The following HIVEP3 variants were observed in gnomAD, a reference collection of about 807,000 sequenced individuals.
HIVEP3 encodes transcription factor HIVEP3.
Under a neutral mutation model 152.8 loss-of-function variants are expected in HIVEP3, and 49 were observed. The observed-to-expected ratio is 0.32, with a 90% CI of 0.26 to 0.41. HIVEP3 has a LOEUF of 0.41. HIVEP3 is among the 10% of genes least tolerant of loss of function. HIVEP3 has a pLI of 1.00. For synonymous variants in HIVEP3, 1,269 were observed against 1,289.0 expected, an observed-to-expected ratio of 0.98 and a Z score of 0.33; for missense variants, 2,790 against 3,103.3, an observed-to-expected ratio of 0.90 and a Z score of 2.40.
At chr1:41,857,422 G>A (rs1298161167) in intron 1 of HIVEP3, among the ~76,000 whole-genome samples, 1 of 152,068 alleles carries the variant, frequency 6.6e-6, no homozygotes, top group Non-Finnish European at 1.5e-5. Context: ...CCCCAGGAAG[G>A]GTGGCTGTGG....
intron 1 of HIVEP3, among the ~76,000 whole-genome samples, chr1:41,845,824 T>C (rs1357142443): frequency 2.0e-5 from 3 of 152,172 alleles, no homozygotes. Flanking sequence ...CCCAGCACTT[T>C]GGGAGGCCGA....
At chr1:41,793,084 C>T (rs1649791833) in intron 1 of HIVEP3, among the ~76,000 whole-genome samples, 1 of 152,190 alleles carries the variant, frequency 6.6e-6, no homozygotes, top group Admixed American at 6.5e-5. Flanking sequence ...AGTGGCCTGT[C>T]ATGGGAGGCT....
At chr1:41,609,335 C>A (rs1644865864) in intron 3 of HIVEP3, among the ~76,000 whole-genome samples, 2 of 152,252 alleles carry the variant, frequency 1.3e-5, no homozygotes, top group South Asian at 4.1e-4. Flanking sequence ...CCTAGTTCCA[C>A]TGAGGGTAGG....
At chr1:41,601,866 T>C (rs1298301452) in intron 3 of HIVEP3, among the ~76,000 whole-genome samples, 1 of 152,206 alleles carries the variant, frequency 6.6e-6, no homozygotes, top group Non-Finnish European at 1.5e-5. Context: ...GAGTATAGTA[T>C]TAGCTGTAAG....
intron 1 of HIVEP3, among the ~76,000 whole-genome samples, chr1:41,748,642 T>C (rs1192586862): frequency 2.0e-5 from 3 of 152,244 alleles, no homozygotes; most frequent in African/African-American, 7.2e-5. Flanking sequence ...GCTAGCTCTA[T>C]GGCGTTGATA....
intron 2 of HIVEP3, among the ~76,000 whole-genome samples, chr1:41,687,476 G>A (rs887914606): frequency 2.0e-5 from 3 of 152,238 alleles, no homozygotes; most frequent in African/African-American, 7.2e-5. Flanking sequence ...ATCATGCTCT[G>A]CCACATGCAG....
chr1:41,716,651 G>C (rs1646598793), intron 1 of HIVEP3, among the ~76,000 whole-genome samples: 1 of 152,234 alleles, frequency 6.6e-6, no homozygotes, highest in Non-Finnish European at 1.5e-5. Context: ...GACAGGTCAT[G>C]GTGCATTGGG....
At chr1:41,766,298 T>A (rs1280524342) in intron 1 of HIVEP3, among the ~76,000 whole-genome samples, 1 of 152,184 alleles carries the variant, frequency 6.6e-6, no homozygotes, top group African/African-American at 2.4e-5. Context: ...ACTACTGGCA[T>A]CTAGTGGGTA....
At chr1:41,923,492 C>CG (rs1392623957), upstream of HIVEP3, among the ~76,000 whole-genome samples, 19 of 151,462 alleles carry the variant, frequency 1.3e-4, no homozygotes, top group Non-Finnish European at 1.5e-5. Flanking sequence ...GAGGAGGTGG[C>CG]GGGGGGAAGG....
intron 1 of HIVEP3, among the ~76,000 whole-genome samples, chr1:41,983,685 A>T (rs1645306759): frequency 1.3e-5 from 2 of 152,098 alleles, no homozygotes; most frequent in African/African-American, 2.4e-5. Flanking sequence ...GCAGGATGGG[A>T]TGGGATGTCA....
At chr1:41,593,836 C>G (rs905772848) in intron 3 of HIVEP3, among the ~76,000 whole-genome samples, 12 of 152,222 alleles carry the variant, frequency 7.9e-5, no homozygotes, top group Non-Finnish European at 1.6e-4. Flanking sequence ...CGGCTAAAAG[C>G]AAGGTGTCAG....
intron 5 of HIVEP3, among the ~76,000 whole-genome samples, chr1:41,527,208 G>GCTCACCCTCACACA (rs1229333759): frequency 3.5e-5 from 2 of 57,096 alleles, no homozygotes; most frequent in Admixed American, 3.9e-4. Flanking sequence ...TCCCACACAT[G>GCTCACCCTCACACA]CTCACCCTCA....
chr1:41,522,898 T>C (rs1642799754), intron 6 of HIVEP3, among the ~76,000 whole-genome samples: 1 of 152,162 alleles, frequency 6.6e-6, no homozygotes, highest in Non-Finnish European at 1.5e-5. Context: ...TGTGGTCCCC[T>C]GGACACAGGC....
At chr1:41,603,329 A>G (rs1644773289) in intron 3 of HIVEP3, among the ~76,000 whole-genome samples, 1 of 151,044 alleles carries the variant, frequency 6.6e-6, no homozygotes. Flanking sequence ...CGGCCTCCCA[A>G]AGCGCTGGGA....
chr1:41,887,973 A>G (rs1376093781), intron 1 of HIVEP3, among the ~76,000 whole-genome samples: 1 of 151,754 alleles, frequency 6.6e-6, no homozygotes, highest in Admixed American at 6.6e-5. Context: ...TGAGTCAGAC[A>G]GTGGAGATAT....
chr1:41,580,190 C>T lies in HIVEP3; in HGVS notation c.4608G>A (p.Gln1536=), dbSNP rs754420120. The change falls in exon 4 of 9, where the codon CAG becomes CAA. Residue 1536 remains glutamine, a synonymous_variant. Transcript: ENST00000372583. ...PGSEALKEYP[Q]PSGKPHRRGL... ...CTCTTCGGTGAGGTTTGCCAGATGG[C>T]TGGGGATATTCCTTCAAAGCTTCTG... 13 of 1,612,052 alleles carry T rather than the reference C, an allele frequency of 8.1e-6. No homozygotes were observed. The South Asian group carries it at 1.2e-4, about 15-fold the overall frequency.
intron 5 of HIVEP3, among the ~76,000 whole-genome samples, chr1:41,536,566 C>T (rs114418553): frequency 0.023 from 3,514 of 152,034 alleles, 132 homozygotes; most frequent in African/African-American, 0.08. Context: ...TAGGAGGGGA[C>T]GCGGTGGGGA....
chr1:41,751,932 G>C (rs538205516), intron 1 of HIVEP3, among the ~76,000 whole-genome samples: 1 of 152,128 alleles, frequency 6.6e-6, no homozygotes, highest in Non-Finnish European at 1.5e-5. Context: ...CCTGTGGTGG[G>C]TGGAGGATCC....
chr1:41,737,400 T>C (rs1646935192), intron 1 of HIVEP3, among the ~76,000 whole-genome samples: 1 of 152,190 alleles, frequency 6.6e-6, no homozygotes, highest in Non-Finnish European at 1.5e-5. Context: ...TCAACCGTCA[T>C]ATCTGAGATG....
Sources: allele counts gnomAD v4.1 joint callset (sites outside exome capture counted in the v4.1 genomes callset), GRCh38; gene constraint gnomAD v4.1.1; transcripts MANE v1.5; gene names NCBI Gene and HGNC (gene_info 2026-07-23, HGNC 2026-07-21).